The following PPARA variants were observed in gnomAD, a reference collection of about 807,000 sequenced individuals.
PPARA encodes peroxisome proliferator-activated receptor alpha.
A neutral mutation model predicts 42.2 loss-of-function variants in PPARA; 22 were observed. The observed-to-expected ratio is 0.52, with a 90% CI of 0.37 to 0.74. PPARA has a LOEUF of 0.74. PPARA is among the 30% of genes least tolerant of loss of function. The pLI is 0.00. For missense variants in PPARA, 465 were observed against 608.2 expected (o/e 0.76, Z 2.48); for synonymous variants, 242 against 239.3 (o/e 1.01, Z -0.10).
chr22:46,189,158 C>T lies in PPARA; in HGVS notation c.-42-9184C>T, dbSNP rs567323684. Among the ~76,000 whole-genome samples the T allele has an allele frequency of 2.0e-5, 3 of 152,322 alleles. No individual in the cohort carries two copies. The Middle Eastern group carries it at 0.01, about 518-fold the overall frequency. The stretch of plus-strand genomic sequence containing the variant: ...CCTACTCTAATTTGATTGCAACGGA[C>T]ACAAAATGTGTCCAAACTTGCAGCT... On this transcript the variant is annotated intron_variant, in intron 3 of 8. Coordinates refer to ENST00000407236, the MANE Select transcript of PPARA (RefSeq NM_005036.6).
Position 46,235,055 on chromosome 22 carries a change from A to T in PPARA, c.1160-78A>T, listed in dbSNP as rs1031383045. ...CTAAGAAAGGCCACATAAAATAGGC[A>T]TGTTTGGTTCCTGAAACTGATAAGC... On this transcript the variant is annotated intron_variant, in intron 8 of 8. Coordinates refer to ENST00000407236, the MANE Select transcript of PPARA (RefSeq NM_005036.6). The surrounding 1 kb of genome is among the most constrained non-coding windows in gnomAD (Gnocchi z 7.0). The T allele has an allele frequency of 1.3e-6, 2 of 1,588,810 alleles. No individual in the cohort carries two copies. Among genetic ancestry groups the T allele is most frequent in the African/African-American group, 2.7e-5 (2 of 74,498 alleles).
rs572303851 is a variant in PPARA, at chr22:46,200,518, A to G, written c.208+1927A>G. Among the ~76,000 whole-genome samples, 3 of 152,392 alleles carry G rather than the reference A, an allele frequency of 2.0e-5. No individual in the cohort carries two copies. Among genetic ancestry groups the G allele is most frequent in the Admixed American group, 6.5e-5 (1 of 15,308 alleles). ...GAAAAGGTTACAGCAAAAATACAGT[A>G]TTATCATCTTATGGGACCATGATAC... On this transcript the variant is annotated intron_variant, in intron 4 of 8. Transcript: ENST00000407236. This position sits in a 1 kb window ranked among gnomAD's most constrained non-coding sequence, Gnocchi z 4.8.
At position 46,204,161 on chromosome 22, in the gene PPARA, G is replaced by A. The variant is rs945167627; in HGVS notation, c.208+5570G>A. Among the ~76,000 whole-genome samples the A allele has an allele frequency of 7.2e-5, 11 of 152,220 alleles. No homozygotes were observed. The highest frequency in any genetic ancestry group is 2.4e-4 in the African/African-American group (10 of 41,454). ...CTTTCACTCTGCAGAATGGCTGTGAGACTCATCTGCATTGCAGCAAGCATC... is the reference window on the plus strand; with the variant it reads ...CTTTCACTCTGCAGAATGGCTGTGAAACTCATCTGCATTGCAGCAAGCATC... On this transcript the variant is annotated intron_variant, in intron 4 of 8. Transcript: ENST00000407236. The surrounding 1 kb of genome is among the most constrained non-coding windows in gnomAD (Gnocchi z 5.2).
Position 46,231,842 on chromosome 22 carries a change from G to C in PPARA, c.762G>C (p.Leu254=), listed in dbSNP as rs1800236. The C allele has an allele frequency of 6.2e-7, 1 of 1,614,012 alleles. No individual in the cohort carries two copies. Among genetic ancestry groups the C allele is most frequent in the Admixed American group, 1.7e-5 (1 of 60,014 alleles). The part of the protein sequence containing the change: ...METLCMAEKT[L]VAKLVANGIQ... ...CACTGTGTATGGCTGAGAAGACGCT[G>C]GTGGCCAAGCTGGTGGCCAATGGCA... Residue 254 remains leucine (L), a synonymous_variant, in exon 8 of 9, where the codon CTG becomes CTC. Coordinates refer to ENST00000407236, the MANE Select transcript of PPARA (RefSeq NM_005036.6). This position sits in a 1 kb window ranked among gnomAD's most constrained non-coding sequence, Gnocchi z 7.7.
Position 46,182,711 on chromosome 22 carries a change from G to A in PPARA, c.-43+5875G>A, listed in dbSNP as rs950502333. Among the ~76,000 whole-genome samples the A allele has an allele frequency of 9.2e-5, 14 of 152,158 alleles. No homozygotes were observed. Among genetic ancestry groups the A allele is most frequent in the Non-Finnish European group, 1.9e-4 (13 of 68,030 alleles). On this transcript the variant is annotated intron_variant, in intron 3 of 8. Coordinates refer to ENST00000407236, the MANE Select transcript of PPARA (RefSeq NM_005036.6). The surrounding 1 kb of genome is among the most constrained non-coding windows in gnomAD (Gnocchi z 5.2). ...AATATGTACAGATTATTGTATGCCA[G>A]TTACATGTCCATAAAGCTTTCTTTT... is the stretch of plus-strand genomic sequence containing the variant.
In PPARA at chr22:46,241,533, C is replaced by T. The variant is rs1936369897; in HGVS notation, c.*6153C>T. The T allele has an allele frequency of 6.6e-6, 1 of 152,114 alleles. No individual in the cohort carries two copies. Among genetic ancestry groups the T allele is most frequent in the Non-Finnish European group, 1.5e-5 (1 of 68,048 alleles). 9.4% of individuals were successfully genotyped at this position (152,114 alleles called of 1,614,324 possible). A position where few individuals can be genotyped will look rare whatever the true frequency, so the allele number is the denominator to read the frequency against. ...TATCACAAAAAGCCATGTGTGTGGC[C>T]TTATCAGAACAGAAAGAGACAGGCT... On this transcript the variant is annotated 3_prime_UTR_variant, in exon 9 of 9. Transcript: ENST00000407236. The surrounding 1 kb of genome is among the most constrained non-coding windows in gnomAD (Gnocchi z 5.7).
chr22:46,205,707 C>T (rs893512589), intron 4 of PPARA, among the ~76,000 whole-genome samples: 67 of 150,860 alleles, frequency 4.4e-4, no homozygotes, highest in Admixed American at 2.5e-3. Context: ...GCTGGGATTA[C>T]AGGCATGTGC....
chr22:46,237,982 T>C lies in PPARA; in HGVS notation c.*2602T>C, dbSNP rs1936268899. ...ATGGTTTTCAGAGAAGTCATTGTTC[T>C]GTTTACATTTTCATAAAACCTGTTT... is the stretch of plus-strand genomic sequence containing the variant. On this transcript the variant is annotated 3_prime_UTR_variant, in exon 9 of 9. Transcript: ENST00000407236. This position sits in a 1 kb window ranked among gnomAD's most constrained non-coding sequence, Gnocchi z 6.7. The C allele has an allele frequency of 6.6e-6, 1 of 152,284 alleles. No homozygotes were observed. Among genetic ancestry groups the C allele is most frequent in the Admixed American group, 6.5e-5 (1 of 15,290 alleles). The allele number at this position is 152,284 out of a possible 1,614,324, so 9.4% of individuals were successfully genotyped here.
In PPARA at chr22:46,165,139, G is replaced by A. The variant is rs1463745334; in HGVS notation, c.-126-11614G>A. ...CAACCTCTGCCTCCGGGGTATAAGTGATTCTCCCATATCAGCCTCCCGAGG... is the reference window on the plus strand; with the variant it reads ...CAACCTCTGCCTCCGGGGTATAAGTAATTCTCCCATATCAGCCTCCCGAGG... On this transcript the variant is annotated intron_variant, in intron 2 of 8. Coordinates refer to ENST00000407236, the MANE Select transcript of PPARA (RefSeq NM_005036.6). The surrounding 1 kb of genome is among the most constrained non-coding windows in gnomAD (Gnocchi z 5.5). 6.6e-6 allele frequency: 1 copy of A among 152,264 alleles called. No individual in the cohort carries two copies. The highest frequency in any genetic ancestry group is 1.5e-5 in the Non-Finnish European group (1 of 68,136). The allele number at this position is 152,264 out of a possible 1,614,324, so 9.4% of individuals were successfully genotyped here. A position where few individuals can be genotyped will look rare whatever the true frequency, so the allele number is the denominator to read the frequency against.
At chr22:46,217,294 A>G (rs1417836522) in intron 5 of PPARA, among the ~76,000 whole-genome samples, 1 of 152,168 alleles carries the variant, frequency 6.6e-6, no homozygotes, top group East Asian at 1.9e-4. Context: ...AATGACTTAA[A>G]AGCAAAGAGA....
chr22:46,185,917 ATATATATATATATAT>A lies in PPARA; in HGVS notation c.-43+9082_-43+9096del, dbSNP rs1466689534. On this transcript the variant is annotated intron_variant, in intron 3 of 8. Transcript: ENST00000407236. ...CTCCAAAAAAAAAAAAAAAAAAAAA[ATATATATATATATAT>A]ATATATATATATATATATATATATA... Among the ~76,000 whole-genome samples, 38 of 10,092 alleles carry A rather than the reference ATATATATATATATAT, an allele frequency of 3.8e-3. 1 individual carries two copies. Among genetic ancestry groups the A allele is most frequent in the African/African-American group, 0.011 (33 of 3,136 alleles). 6.6% of individuals were successfully genotyped at this position (10,092 alleles called of 152,430 possible).
chr22:46,209,388 C>T (rs1409444664), intron 4 of PPARA, among the ~76,000 whole-genome samples: 2 of 152,128 alleles, frequency 1.3e-5, no homozygotes, highest in African/African-American at 4.8e-5. Context: ...GAAGATTAGG[C>T]CATTATTTCT....
In PPARA at chr22:46,232,939, G is replaced by A. The variant is rs1186147798; in HGVS notation, c.1159+700G>A. On this transcript the variant is annotated intron_variant, in intron 8 of 8. Transcript: ENST00000407236. The surrounding 1 kb of genome is among the most constrained non-coding windows in gnomAD (Gnocchi z 5.3). Reference sequence around the variant, plus strand: ...AAAGGTTGCAGTGAGCCAAGGTCACGCCACCACACTCCAGCCTGGGCGACG... The same window carrying A: ...AAAGGTTGCAGTGAGCCAAGGTCACACCACCACACTCCAGCCTGGGCGACG... 7.2e-5 allele frequency among the ~76,000 whole-genome samples: 10 copies of A among 139,172 alleles called. No individual in the cohort carries two copies. Among genetic ancestry groups the A allele is most frequent in the South Asian group, 4.5e-4 (2 of 4,442 alleles). The allele number at this position is 139,172 out of a possible 152,430, so 91.3% of individuals were successfully genotyped here.
In PPARA at chr22:46,187,024, T is replaced by C. The variant is rs563128164; in HGVS notation, c.-43+10188T>C. Reference sequence around the variant, plus strand: ...CTTATTGTACTGTACTGGGGGTAACTAAAACCAAGGAAAGTGAAACCATGG... The same window carrying C: ...CTTATTGTACTGTACTGGGGGTAACCAAAACCAAGGAAAGTGAAACCATGG... On this transcript the variant is annotated intron_variant, in intron 3 of 8. Transcript: ENST00000407236. This position sits in a 1 kb window ranked among gnomAD's most constrained non-coding sequence, Gnocchi z 4.9. Among the ~76,000 whole-genome samples, 1 of 152,336 alleles carries C rather than the reference T, an allele frequency of 6.6e-6. No individual in the cohort carries two copies. The highest frequency in any genetic ancestry group is 2.1e-4 in the South Asian group (1 of 4,828).
chr22:46,209,110 A>C (rs1165895328), intron 4 of PPARA, among the ~76,000 whole-genome samples: 1 of 152,070 alleles, frequency 6.6e-6, no homozygotes, highest in Non-Finnish European at 1.5e-5. Context: ...ATGTAGTGCT[A>C]TTTTTGTTTT....
In PPARA at chr22:46,218,364, A is replaced by G; in HGVS notation, c.471A>G (p.Arg157=). 4.3e-6 allele frequency: 7 copies of G among 1,614,114 alleles called. No individual in the cohort carries two copies. The highest frequency in any genetic ancestry group is 5.1e-6 in the Non-Finnish European group (6 of 1,180,028). Reference sequence around the variant, plus strand: ...ACAGAAACAAATGCCAGTATTGTCGATTTCACAAGTGCCTTTCTGTCGGGA... The same window carrying G: ...ACAGAAACAAATGCCAGTATTGTCGGTTTCACAAGTGCCTTTCTGTCGGGA... ...KKNRNKCQYC[R]FHKCLSVGMS... The change falls in exon 6 of 9, where the codon CGA becomes CGG. Residue 157 remains arginine, a synonymous_variant. Transcript: ENST00000407236.
Position 46,215,224 on chromosome 22 carries a change from C to T in PPARA, c.260C>T (p.Pro87Leu). ...TCCTCGGTGACTTATCCTGTGGTCCCCGGCAGCGTGGACGAGTCTCCCAGT... is the reference window on the plus strand; with the variant it reads ...TCCTCGGTGACTTATCCTGTGGTCCTCGGCAGCGTGGACGAGTCTCCCAGT... ...SPSSVTYPVVPGSVDESPSGA... is the reference protein window; with the variant it reads ...SPSSVTYPVVLGSVDESPSGA... Residue 87 changes from proline to leucine, a missense_variant, in exon 5 of 9, where the codon CCC (proline) becomes CTC (leucine). Around this residue, in one of 2 missense-constraint regions of PPARA, gnomAD observed 152 missense variants for 139.1 expected, o/e 1.09. Coordinates refer to ENST00000407236, the MANE Select transcript of PPARA (RefSeq NM_005036.6). The T allele has an allele frequency of 6.2e-7, 1 of 1,614,124 alleles. No individual in the cohort carries two copies. The highest frequency in any genetic ancestry group is 8.5e-7 in the Non-Finnish European group (1 of 1,180,030).
intron 2 of PPARA, among the ~76,000 whole-genome samples, chr22:46,175,580 G>A (rs1034911011): frequency 1.3e-5 from 2 of 152,108 alleles, no homozygotes; most frequent in Non-Finnish European, 2.9e-5. Flanking sequence ...CAAGCGTGGT[G>A]GCGGGCGCCT....
chr22:46,210,270 T>C (rs531540170), intron 4 of PPARA, among the ~76,000 whole-genome samples: 4 of 146,022 alleles, frequency 2.7e-5, no homozygotes, highest in South Asian at 2.2e-4. Context: ...GATCACACCA[T>C]TGGACTCCAG....
Sources: gnomAD v4.1 joint callset for allele counts (sites outside exome capture counted in the v4.1 genomes callset) on GRCh38, gnomAD v4.1.1 for gene constraint, gnomAD v4.1.1 regional missense constraint, Gnocchi (gnomAD v3.1) non-coding constraint, MANE v1.5 for transcripts, NCBI Gene and HGNC (gene_info 2026-07-23, HGNC 2026-07-21) for gene names.